DHRSX: variants seen among roughly 807,000 people sequenced by gnomAD.
The protein encoded by DHRSX is polyprenol dehydrogenase.
Under a neutral mutation model 34.0 loss-of-function variants are expected in DHRSX, and 31 were observed. The ratio of observed to expected loss-of-function variants is 0.91; its 90% CI spans 0.69 to 1.23. DHRSX has a LOEUF of 1.23. DHRSX is among the 50% of genes most tolerant of loss of function. The pLI, the probability that DHRSX is intolerant of heterozygous loss-of-function variation, is 0.00. For missense variants in DHRSX, 414 were observed against 428.1 expected (o/e 0.97, Z 0.29); for synonymous variants, 201 against 183.8 (o/e 1.09, Z -0.76).
At chrX:2,329,654 A>T (rs891715019) in intron 3 of DHRSX, among the ~76,000 whole-genome samples, 10 of 152,128 alleles carry the variant, frequency 6.6e-5, no homozygotes, top group Non-Finnish European at 1.5e-4. Flanking sequence ...AACCTATGAA[A>T]AGAGGAAAAC....
intron 3 of DHRSX, among the ~76,000 whole-genome samples, chrX:2,321,122 G>A (rs778574303): frequency 2.8e-4 from 43 of 152,260 alleles, no homozygotes; most frequent in Non-Finnish European, 5.1e-4. Flanking sequence ...TGTCCATTGA[G>A]AGAGCCTAAG....
At chrX:2,472,143 CA>C (rs112638597) in intron 1 of DHRSX, among the ~76,000 whole-genome samples, 1,375 of 120,732 alleles carry the variant, frequency 0.011, 23 homozygotes, top group African/African-American at 0.028. Flanking sequence ...GAAACTGTCT[CA>C]AAAAAAAAAA....
At chrX:2,322,822 T>C (rs1253219713) in intron 3 of DHRSX, among the ~76,000 whole-genome samples, 5 of 152,142 alleles carry the variant, frequency 3.3e-5, no homozygotes, top group Admixed American at 6.6e-5. Context: ...TTCATAAGTT[T>C]TGGGTGAGTC....
At chrX:2,313,799 G>A (rs962103189) in intron 3 of DHRSX, among the ~76,000 whole-genome samples, 32 of 152,148 alleles carry the variant, frequency 2.1e-4, no homozygotes, top group Non-Finnish European at 4.3e-4. Context: ...ACCCCAGGTG[G>A]TCGGGGTGCA....
intron 3 of DHRSX, among the ~76,000 whole-genome samples, chrX:2,315,161 T>TAAA (rs113630318): frequency 7.3e-6 from 1 of 137,682 alleles, no homozygotes; most frequent in African/African-American, 2.6e-5. Context: ...TCCGTTTCAA[T>TAAA]AAAAAAAAAA....
chrX:2,282,699 G>T (rs1240709240), intron 4 of DHRSX, among the ~76,000 whole-genome samples: 1 of 138,998 alleles, frequency 7.2e-6, no homozygotes, highest in Admixed American at 7.2e-5. Flanking sequence ...GGAGAAAGAG[G>T]GAGAGAGGGA....
intron 1 of DHRSX, among the ~76,000 whole-genome samples, chrX:2,450,922 G>T (rs1165532643): frequency 6.6e-6 from 1 of 151,910 alleles, no homozygotes; most frequent in African/African-American, 2.4e-5. Flanking sequence ...TGGGATCAGT[G>T]TCCTTATAAA....
chrX:2,293,039 C>CTTT (rs1479174845), intron 3 of DHRSX, among the ~76,000 whole-genome samples: 2 of 152,136 alleles, frequency 1.3e-5, no homozygotes, highest in African/African-American at 2.4e-5. Flanking sequence ...CCACATCAGC[C>CTTT]TCCCAAAGTG....
At chrX:2,468,509 G>A (rs916441920) in intron 1 of DHRSX, among the ~76,000 whole-genome samples, 1 of 151,956 alleles carries the variant, frequency 6.6e-6, no homozygotes, top group Non-Finnish European at 1.5e-5. Context: ...AGAAGAATGT[G>A]GCCAAGGGAC....
intron 4 of DHRSX, among the ~76,000 whole-genome samples, chrX:2,284,614 C>T (rs922711557): frequency 3.3e-5 from 5 of 152,114 alleles, no homozygotes; most frequent in Non-Finnish European, 7.4e-5. Context: ...GGGAAGATGG[C>T]TGACAAGGAT....
chrX:2,294,812 AAGAG>A (rs991835372), intron 3 of DHRSX, among the ~76,000 whole-genome samples: 30 of 150,560 alleles, frequency 2.0e-4, no homozygotes, highest in African/African-American at 6.8e-4. Flanking sequence ...AGAGAGGAAA[AAGAG>A]AGGGAGAGAG....
intron 1 of DHRSX, among the ~76,000 whole-genome samples, chrX:2,462,123 C>T (rs1002277421): frequency 1.2e-4 from 18 of 151,478 alleles, no homozygotes; most frequent in Admixed American, 1.1e-3. Context: ...ACAGAGCCCC[C>T]AGTGTTAGAT....
chrX:2,380,789 A>G (rs2043193716), intron 3 of DHRSX, among the ~76,000 whole-genome samples: 1 of 152,212 alleles, frequency 6.6e-6, no homozygotes, highest in East Asian at 1.9e-4. Context: ...GCCATGTGCT[A>G]TGGTTTCAAT....
At chrX:2,344,785 G>A (rs1161008615) in intron 3 of DHRSX, among the ~76,000 whole-genome samples, 3 of 149,250 alleles carry the variant, frequency 2.0e-5, no homozygotes, top group Middle Eastern at 3.2e-3. Context: ...GATGGGTGCA[G>A]CAACCCACCA....
intron 2 of DHRSX, among the ~76,000 whole-genome samples, chrX:2,415,392 C>G (rs1394560944): frequency 6.6e-6 from 1 of 151,902 alleles, no homozygotes; most frequent in Non-Finnish European, 1.5e-5. Context: ...TCATCATGAT[C>G]TAGTACAACT....
chrX:2,398,692 T>C (rs189512677), intron 3 of DHRSX, among the ~76,000 whole-genome samples: 2,503 of 137,140 alleles, frequency 0.018, 61 homozygotes, highest in African/African-American at 0.063. Flanking sequence ...TTTTTTGAGA[T>C]GGACTCTCGC....
At chrX:2,231,962 T>C (rs1441839598) in intron 6 of DHRSX, among the ~76,000 whole-genome samples, 2 of 47,070 alleles carry the variant, frequency 4.2e-5, no homozygotes, top group African/African-American at 1.5e-4. Context: ...CTCTTTTCTT[T>C]CTGCCCTTCT....
At chrX:2,307,547 AGG>A (rs1175943428) in intron 3 of DHRSX, among the ~76,000 whole-genome samples, 1 of 152,054 alleles carries the variant, frequency 6.6e-6, no homozygotes, top group Non-Finnish European at 1.5e-5. Flanking sequence ...GTGGATCACG[AGG>A]GGTCAGGAGA....
intron 6 of DHRSX, among the ~76,000 whole-genome samples, chrX:2,222,980 C>T (rs2015554402): frequency 6.6e-6 from 1 of 152,172 alleles, no homozygotes; most frequent in Non-Finnish European, 1.5e-5. Flanking sequence ...TTCCCACTGA[C>T]TTGCCTCTGC....
Sources: allele counts gnomAD v4.1 joint callset (sites outside exome capture counted in the v4.1 genomes callset), GRCh38; gene constraint gnomAD v4.1.1; transcripts MANE v1.5; gene names NCBI Gene and HGNC (gene_info 2026-07-23, HGNC 2026-07-21).